CDKN2A: variants seen among roughly 807,000 people sequenced by gnomAD.
CDKN2A encodes cyclin dependent kinase inhibitor 2A, also known as cyclin-dependent kinase inhibitor 2A.
In CDKN2A, 3 loss-of-function variants were observed where a neutral mutation model predicts 11.1. The observed-to-expected ratio is 0.27, with a 90% CI of 0.12 to 0.70. The LOEUF is 0.70. Among genes scored for constraint, CDKN2A ranks in the 30% least tolerant of loss-of-function variants. The probability of loss-of-function intolerance (pLI) is 0.77; values close to 1 mark genes in which losing one functional copy is unlikely to be tolerated. For synonymous variants in CDKN2A, 122 were observed against 108.1 expected, an observed-to-expected ratio of 1.13 and a Z score of -0.80; for missense variants, 265 against 233.6, an observed-to-expected ratio of 1.13 and a Z score of -0.88.
chr9:21,975,130 C>T, upstream of CDKN2A: 1 of 1,235,026 alleles, frequency 8.1e-7, no homozygotes, highest in Non-Finnish European at 1.0e-6. Flanking sequence ...GGAAGCAGCC[C>T]TCGCCAGAGC....
intron 1 of CDKN2A, chr9:21,971,459 C>A: frequency 9.0e-7 from 1 of 1,116,344 alleles, no homozygotes; most frequent in Non-Finnish European, 1.2e-6. Context: ...CTGTGAGGCA[C>A]GGGCAAAATA....
chr9:21,989,905 T>A (rs1820384940), intron 2 of CDKN2A: 1 of 152,262 alleles, frequency 6.6e-6, no homozygotes, highest in African/African-American at 2.4e-5. Context: ...AAATTCTTGT[T>A]GGAGGACCTC....
intron 1 of CDKN2A, among the ~76,000 whole-genome samples, chr9:21,973,012 G>A (rs373654309): frequency 1.3e-5 from 2 of 152,142 alleles, no homozygotes; most frequent in African/African-American, 4.8e-5. Flanking sequence ...AACTGACTCA[G>A]TTTTCAAAGA....
intron 2 of CDKN2A, among the ~76,000 whole-genome samples, chr9:21,985,528 T>C (rs897364980): frequency 6.6e-6 from 1 of 152,034 alleles, no homozygotes; most frequent in Admixed American, 6.5e-5. Context: ...ATATTCAGAC[T>C]GTGACAACCA....
intron 2 of CDKN2A, among the ~76,000 whole-genome samples, chr9:21,986,723 CTT>C (rs1446869487): frequency 6.6e-6 from 1 of 152,004 alleles, no homozygotes; most frequent in Admixed American, 6.6e-5. Context: ...AAAACAATAA[CTT>C]TACCATGTGA....
rs786203467 is a variant in CDKN2A at position 21,994,196 on chromosome 9, C to T, written c.-175-143G>A. ...CGCTGGCTCCTCAGTAGCATCAGCA[C>T]GAGGGCCACAGCGGCGGGCGCCCCT... is the stretch of plus-strand genomic sequence containing the variant. On this transcript the variant is annotated intron_variant, in intron 1 of 3. Coordinates refer to the CDKN2A transcript ENST00000494262. 3 of 1,606,346 alleles carry T rather than the reference C, an allele frequency of 1.9e-6. No individual in the cohort carries two copies. Among genetic ancestry groups the T allele is most frequent in the African/African-American group, 2.7e-5 (2 of 74,942 alleles).
upstream of CDKN2A, chr9:21,975,007 C>A: frequency 7.2e-7 from 1 of 1,385,832 alleles, no homozygotes; most frequent in Non-Finnish European, 9.3e-7. Context: ...TCTTTCCAGG[C>A]AAGGGGACGC....
chr9:21,974,627 C>T lies in CDKN2A; in HGVS notation c.150+51G>A, dbSNP rs1393655159. ...ATTCCAATTCCCCTGCAAACTTCGT[C>T]CTCCAGAGTCGCCCGCCATCCCCTG... On this transcript the variant is annotated intron_variant, in intron 1 of 2. Coordinates refer to ENST00000304494, the MANE Select transcript of CDKN2A (RefSeq NM_000077.5). The surrounding 1 kb of genome is among the most constrained non-coding windows in gnomAD (Gnocchi z 5.2). The T allele has an allele frequency of 2.5e-6, 4 of 1,614,100 alleles. No individual in the cohort carries two copies. The South Asian group carries it at 4.4e-5, about 18-fold the overall frequency.
At chr9:21,977,759 G>A (rs1820076219), upstream of CDKN2A, among the ~76,000 whole-genome samples, 1 of 152,090 alleles carries the variant, frequency 6.6e-6, no homozygotes, top group African/African-American at 2.4e-5. Context: ...AAAGAAAGTA[G>A]GTAATGATTT....
At chr9:21,990,680 A>C (rs1417825454) in intron 2 of CDKN2A, among the ~76,000 whole-genome samples, 2 of 129,142 alleles carry the variant, frequency 1.5e-5, no homozygotes, top group South Asian at 5.4e-4. Context: ...ATCTTGCTTT[A>C]AAAAAACCTG....
At chr9:21,969,533 A>C (rs112661313) in intron 2 of CDKN2A, 1 of 388,980 alleles carries the variant, frequency 2.6e-6, no homozygotes, top group Non-Finnish European at 4.5e-6. Flanking sequence ...TAAGAGAAGG[A>C]AGGGAGGAGG....
chr9:21,977,606 T>C (rs1027046077), upstream of CDKN2A, among the ~76,000 whole-genome samples: 2 of 152,206 alleles, frequency 1.3e-5, no homozygotes, highest in Admixed American at 1.3e-4. Flanking sequence ...CCTCAGGTGA[T>C]CCACCCACCT....
At position 21,968,199 on chromosome 9, in the gene CDKN2A, C is replaced by T. The variant is rs367953311; in HGVS notation, c.*30G>A. 7.2e-5 allele frequency: 116 copies of T among 1,609,988 alleles called. No individual in the cohort carries two copies. In the African/African-American group the frequency reaches 1.2e-3, roughly 17 times the overall value. On this transcript the variant is annotated 3_prime_UTR_variant, in exon 3 of 3. Transcript: ENST00000304494. This position sits in a 1 kb window ranked among gnomAD's most constrained non-coding sequence, Gnocchi z 4.7. The stretch of plus-strand genomic sequence containing the variant: ...TTCGGTGACTGATGATCTAAGTTTC[C>T]CGAGGTTTCTCAGAGCCTCTCTGGT...
intron 2 of CDKN2A, 36 bp downstream of exon 2, chr9:21,970,866 T>C (rs1819676644): frequency 6.2e-7 from 1 of 1,605,300 alleles, no homozygotes. Context: ...CTTTGGAAGC[T>C]CTCAGGGTAC....
chr9:21,984,409 C>T (rs1820259095), intron 2 of CDKN2A, among the ~76,000 whole-genome samples: 1 of 151,970 alleles, frequency 6.6e-6, no homozygotes, highest in African/African-American at 2.4e-5. Context: ...GTGGAAGGTA[C>T]AATGGAGAAA....
chr9:21,975,118 C>T (rs1819985680), upstream of CDKN2A: 2 of 1,248,934 alleles, frequency 1.6e-6, no homozygotes, highest in Non-Finnish European at 2.0e-6. Context: ...GGGGCACCAG[C>T]CGGAAGCAGC....
intron 1 of CDKN2A, among the ~76,000 whole-genome samples, chr9:21,973,784 G>T (rs777898356): frequency 1.7e-4 from 26 of 152,266 alleles, no homozygotes; most frequent in Middle Eastern, 3.4e-3. Flanking sequence ...CATGAATGTG[G>T]CTCATTATTT....
At position 21,968,679 on chromosome 9, in the gene CDKN2A, G is replaced by C. The variant is rs552777236; in HGVS notation, c.458-437C>G. On this transcript the variant is annotated intron_variant, in intron 2 of 2. Coordinates refer to ENST00000304494, the MANE Select transcript of CDKN2A (RefSeq NM_000077.5). The surrounding 1 kb of genome is among the most constrained non-coding windows in gnomAD (Gnocchi z 4.7). Reference sequence around the variant, plus strand: ...AGCCAGCCAGCTTGCGATAACCAAAGGGCGCCTCAGGCTCTGGCGCTCCTC... The same window carrying C: ...AGCCAGCCAGCTTGCGATAACCAAACGGCGCCTCAGGCTCTGGCGCTCCTC... The C allele has an allele frequency of 8.5e-6, 13 of 1,535,982 alleles. No individual in the cohort carries two copies. The East Asian group carries it at 2.9e-4, about 35-fold the overall frequency.
intron 2 of CDKN2A, among the ~76,000 whole-genome samples, chr9:21,982,042 A>T (rs1820208845): frequency 6.6e-6 from 1 of 152,136 alleles, no homozygotes; most frequent in Non-Finnish European, 1.5e-5. Flanking sequence ...ATATAGCACA[A>T]TTATTTAGTA....
Sources: gnomAD v4.1 joint callset for allele counts (sites outside exome capture counted in the v4.1 genomes callset) on GRCh38, gnomAD v4.1.1 for gene constraint, Gnocchi (gnomAD v3.1) non-coding constraint, MANE v1.5 for transcripts, NCBI Gene and HGNC (gene_info 2026-07-23, HGNC 2026-07-21) for gene names.